Variants in CDH8 observed in about 807,000 individuals in gnomAD.
The protein encoded by CDH8 is cadherin-8.
CDH8 carries 17 observed loss-of-function variants against 68.1 expected under a neutral mutation model. The ratio of observed to expected loss-of-function variants is 0.25; its 90% CI spans 0.17 to 0.37. The LOEUF is 0.37. Ranked by LOEUF, CDH8 falls within the 10% of genes least tolerant of loss-of-function variation. The pLI is 1.00. For missense variants in CDH8, 763 were observed against 999.3 expected (o/e 0.76, Z 3.19); for synonymous variants, 372 against 365.1 (o/e 1.02, Z -0.21).
At chr16:61,860,771 T>A (rs1437063623) in intron 3 of CDH8, among the ~76,000 whole-genome samples, 1 of 152,214 alleles carries the variant, frequency 6.6e-6, no homozygotes, top group African/African-American at 2.4e-5. Flanking sequence ...TTACCAAATT[T>A]CCTTCTAGTG....
At chr16:61,898,638 A>G (rs1963911704) in intron 3 of CDH8, among the ~76,000 whole-genome samples, 1 of 152,182 alleles carries the variant, frequency 6.6e-6, no homozygotes, top group African/African-American at 2.4e-5. Context: ...AATTACTGAG[A>G]TCATCAATAA....
chr16:61,659,359 A>C (rs1156835365), intron 10 of CDH8, among the ~76,000 whole-genome samples: 1 of 152,148 alleles, frequency 6.6e-6, no homozygotes, highest in Non-Finnish European at 1.5e-5. Context: ...TGAGGTAGAA[A>C]CTTTACTCCA....
chr16:61,969,323 A>G (rs1489517131), intron 2 of CDH8, among the ~76,000 whole-genome samples: 1 of 152,198 alleles, frequency 6.6e-6, no homozygotes, highest in Non-Finnish European at 1.5e-5. Flanking sequence ...CCAATGGCAG[A>G]CCCATCATTG....
At chr16:61,969,721 T>C (rs947719829) in intron 2 of CDH8, among the ~76,000 whole-genome samples, 3 of 152,166 alleles carry the variant, frequency 2.0e-5, no homozygotes, top group Non-Finnish European at 4.4e-5. Flanking sequence ...TTACTAAATA[T>C]TGCATTCCCC....
intron 3 of CDH8, among the ~76,000 whole-genome samples, chr16:61,897,167 T>C (rs1963882097): frequency 6.6e-6 from 1 of 151,152 alleles, no homozygotes; most frequent in Non-Finnish European, 1.5e-5. Context: ...AAATGTCTAC[T>C]CTATTAGCAA....
At chr16:61,683,456 T>C (rs1482021978) in intron 10 of CDH8, among the ~76,000 whole-genome samples, 1 of 151,288 alleles carries the variant, frequency 6.6e-6, no homozygotes, top group Non-Finnish European at 1.5e-5. Context: ...TACAGTGCCA[T>C]ACTTGTAGAA....
intron 8 of CDH8, among the ~76,000 whole-genome samples, chr16:61,778,482 C>T (rs1234100667): frequency 3.3e-5 from 5 of 151,906 alleles, no homozygotes; most frequent in Admixed American, 3.3e-4. Context: ...CCATAATTAC[C>T]AAATATTTTG....
At chr16:62,013,851 T>C (rs1901875141) in intron 2 of CDH8, among the ~76,000 whole-genome samples, 1 of 152,328 alleles carries the variant, frequency 6.6e-6, no homozygotes, top group South Asian at 2.1e-4. Flanking sequence ...AATTATATAA[T>C]CTGGTTGTGT....
chr16:61,920,987 A>C lies in CDH8; in HGVS notation c.253-19514T>G, dbSNP rs1847962560. On this transcript the variant is annotated intron_variant, in intron 2 of 11. Coordinates refer to ENST00000577390, the MANE Select transcript of CDH8 (RefSeq NM_001796.5). Reference sequence around the variant, plus strand: ...GATGAAATTGGAAATCATCATTCTCAGTAAACTATCACAAGAACAAAAAAC... The same window carrying C: ...GATGAAATTGGAAATCATCATTCTCCGTAAACTATCACAAGAACAAAAAAC... Among the ~76,000 whole-genome samples, 4 of 149,462 alleles carry C rather than the reference A, an allele frequency of 2.7e-5. No homozygotes were observed. In the South Asian group the frequency reaches 8.6e-4, roughly 32 times the overall value.
intron 2 of CDH8, among the ~76,000 whole-genome samples, chr16:61,909,147 G>T (rs1478574593): frequency 6.6e-6 from 1 of 152,126 alleles, no homozygotes; most frequent in Non-Finnish European, 1.5e-5. Context: ...CAAATGTGTA[G>T]CATTTGGTAT....
chr16:61,826,263 A>T (rs1962332149), intron 4 of CDH8, among the ~76,000 whole-genome samples: 1 of 151,876 alleles, frequency 6.6e-6, no homozygotes, highest in African/African-American at 2.4e-5. Flanking sequence ...ATAATTTTTC[A>T]TTGTACAATA....
intron 2 of CDH8, among the ~76,000 whole-genome samples, chr16:61,932,981 G>A (rs550159607): frequency 3.6e-4 from 55 of 152,296 alleles, no homozygotes; most frequent in African/African-American, 1.0e-3. Context: ...GAGAAGCAAT[G>A]CAGAAATCCA....
chr16:61,956,779 T>G (rs905649364), intron 2 of CDH8, among the ~76,000 whole-genome samples: 1 of 152,324 alleles, frequency 6.6e-6, no homozygotes. Flanking sequence ...GTATTGATTT[T>G]CTTTACCCGG....
rs145199118 is a variant in CDH8, at chr16:61,864,183, A to G, written c.548-6945T>C. On this transcript the variant is annotated intron_variant, in intron 3 of 11. Coordinates refer to ENST00000577390, the MANE Select transcript of CDH8 (RefSeq NM_001796.5). ...GTTTTAAATGTGTCAGACAGAATTCATTATTTATTAGTTTTATGGAAAAAT... is the reference window on the plus strand; with the variant it reads ...GTTTTAAATGTGTCAGACAGAATTCGTTATTTATTAGTTTTATGGAAAAAT... Among the ~76,000 whole-genome samples the G allele has an allele frequency of 6.6e-5, 10 of 152,288 alleles. No homozygotes were observed. The East Asian group carries it at 1.5e-3, about 24-fold the overall frequency.
chr16:61,709,817 T>C (rs1351190234), intron 10 of CDH8, among the ~76,000 whole-genome samples: 1 of 152,138 alleles, frequency 6.6e-6, no homozygotes, highest in Non-Finnish European at 1.5e-5. Flanking sequence ...TCATAGTTGG[T>C]CCTCATCTTC....
rs1160275608 is a variant in CDH8 at position 61,960,027 on chromosome 16, C to CAT, written c.253-58555_253-58554insAT. Reference sequence around the variant, plus strand: ...ATATATATATATATACACACATACACACACACACACAACATATATGTATGT... The same window carrying CAT: ...ATATATATATATATACACACATACACATACACACACACAACATATATGTATGT... On this transcript the variant is annotated intron_variant, in intron 2 of 11. Transcript: ENST00000577390. Among the ~76,000 whole-genome samples the CAT allele has an allele frequency of 1.3e-3, 117 of 91,844 alleles. 13 individuals carry two copies. The highest frequency in any genetic ancestry group is 4.6e-3 in the African/African-American group (98 of 21,256). 60.3% of individuals were successfully genotyped at this position (91,844 alleles called of 152,430 possible).
chr16:61,998,463 A>G (rs538398180), intron 2 of CDH8, among the ~76,000 whole-genome samples: 7 of 152,270 alleles, frequency 4.6e-5, no homozygotes, highest in African/African-American at 1.7e-4. Context: ...GTATTTTAAC[A>G]TAGGACTGTT....
chr16:61,943,512 G>T (rs1964755900), intron 2 of CDH8, among the ~76,000 whole-genome samples: 1 of 152,184 alleles, frequency 6.6e-6, no homozygotes, highest in Admixed American at 6.5e-5. Flanking sequence ...AAATAGTATG[G>T]AGCTTTTGAT....
rs1424655346 is a variant in CDH8 at position 61,858,911 on chromosome 16, G to A, written c.548-1673C>T. Among the ~76,000 whole-genome samples, 11 of 152,218 alleles carry A rather than the reference G, an allele frequency of 7.2e-5. No individual in the cohort carries two copies. The East Asian group carries it at 1.4e-3, about 19-fold the overall frequency. The stretch of plus-strand genomic sequence containing the variant: ...CTACAAAATGGTGGCAGGGAGTATC[G>A]GTGTTGGGCTGTCAGAAATCAACAT... On this transcript the variant is annotated intron_variant, in intron 3 of 11. Transcript: ENST00000577390.
Sources: allele counts gnomAD v4.1 joint callset (sites outside exome capture counted in the v4.1 genomes callset), GRCh38; gene constraint gnomAD v4.1.1; transcripts MANE v1.5; gene names NCBI Gene and HGNC (gene_info 2026-07-23, HGNC 2026-07-21).